The following RARB variants were observed in gnomAD, a reference collection of about 807,000 sequenced individuals.
RARB encodes the protein HBV-activated protein.
Under a neutral mutation model 51.9 loss-of-function variants are expected in RARB, and 17 were observed. That is an observed-to-expected ratio of 0.33 (90% CI 0.22 to 0.49). The LOEUF is 0.49. Ranked by LOEUF, RARB falls within the 20% of genes least tolerant of loss-of-function variation. RARB has a pLI of 0.99. For missense variants in RARB, 369 were observed against 550.8 expected, an observed-to-expected ratio of 0.67 and a Z score of 3.30; for synonymous variants, 215 against 195.4, an observed-to-expected ratio of 1.10 and a Z score of -0.84.
At chr3:24,873,830 T>C (rs1702992996) in intron 2 of RARB, among the ~76,000 whole-genome samples, 1 of 152,090 alleles carries the variant, frequency 6.6e-6, no homozygotes, top group African/African-American at 2.4e-5. Context: ...AAGGGGTCTT[T>C]TTACATTTCT....
chr3:24,998,073 G>A (rs755710785), intron 2 of RARB, among the ~76,000 whole-genome samples: 23 of 152,010 alleles, frequency 1.5e-4, no homozygotes, highest in Non-Finnish European at 4.4e-5. Context: ...ACTGTTTACT[G>A]CTAGATGTTT....
At chr3:24,951,567 A>G (rs914993130) in intron 2 of RARB, among the ~76,000 whole-genome samples, 1 of 152,188 alleles carries the variant, frequency 6.6e-6, no homozygotes. Flanking sequence ...ATGACATATA[A>G]GATCAATAAT....
intron 5 of RARB, among the ~76,000 whole-genome samples, chr3:25,323,935 C>T (rs533053535): frequency 6.6e-6 from 1 of 152,074 alleles, no homozygotes; most frequent in Non-Finnish European, 1.5e-5. Flanking sequence ...AATAGGCAAT[C>T]AAGGATCACC....
At chr3:25,317,315 G>T (rs1017576054) in intron 5 of RARB, among the ~76,000 whole-genome samples, 2 of 152,030 alleles carry the variant, frequency 1.3e-5, no homozygotes, top group Admixed American at 6.6e-5. Flanking sequence ...GGAAGGAAGC[G>T]AAGGTAGGTT....
chr3:24,850,627 T>C (rs1291959099), intron 1 of RARB, among the ~76,000 whole-genome samples: 1 of 146,536 alleles, frequency 6.8e-6, no homozygotes, highest in Non-Finnish European at 1.5e-5. Flanking sequence ...GCTTTCTGAA[T>C]GATAAATGTT....
chr3:25,561,003 A>C (rs1347288973), intron 3 of RARB, among the ~76,000 whole-genome samples: 1 of 152,188 alleles, frequency 6.6e-6, no homozygotes, highest in Non-Finnish European at 1.5e-5. Flanking sequence ...TCCTGTGTGC[A>C]ATGAACAAAA....
intron 1 of RARB, among the ~76,000 whole-genome samples, chr3:25,447,632 C>A (rs771445711): frequency 1.3e-5 from 2 of 152,088 alleles, no homozygotes; most frequent in Non-Finnish European, 2.9e-5. Context: ...AATGAGAGAT[C>A]GCTGTGGTAA....
intron 2 of RARB, among the ~76,000 whole-genome samples, chr3:24,952,875 A>ATTT (rs150342797): frequency 2.0e-5 from 3 of 149,392 alleles, no homozygotes; most frequent in Non-Finnish European, 3.0e-5. Context: ...TAAAACTGGT[A>ATTT]TTTTTTTTGT....
chr3:25,461,672 T>C (rs1169680783), intron 2 of RARB, among the ~76,000 whole-genome samples: 1 of 152,072 alleles, frequency 6.6e-6, no homozygotes, highest in Non-Finnish European at 1.5e-5. Flanking sequence ...AGGTGCGCAA[T>C]CACTTGAGGT....
At chr3:24,975,233 AT>A (rs902833017) in intron 2 of RARB, among the ~76,000 whole-genome samples, 1 of 152,150 alleles carries the variant, frequency 6.6e-6, no homozygotes, top group Non-Finnish European at 1.5e-5. Flanking sequence ...GATAATTCTA[AT>A]TCTATCTCCC....
At chr3:25,288,037 G>T (rs1185276078) in intron 5 of RARB, among the ~76,000 whole-genome samples, 1 of 151,988 alleles carries the variant, frequency 6.6e-6, no homozygotes, top group Non-Finnish European at 1.5e-5. Context: ...ATATTTAATA[G>T]AAATTAAATA....
At chr3:25,570,965 G>A (rs1237104760) in intron 4 of RARB, among the ~76,000 whole-genome samples, 2 of 151,970 alleles carry the variant, frequency 1.3e-5, no homozygotes, top group African/African-American at 2.4e-5. Context: ...AACAGTGAGC[G>A]GCGGGGCTTT....
At chr3:25,217,585 A>G (rs1369412622) in intron 5 of RARB, among the ~76,000 whole-genome samples, 1 of 152,110 alleles carries the variant, frequency 6.6e-6, no homozygotes. Flanking sequence ...AGTCACTGCC[A>G]GGAGACCTGG....
At chr3:25,454,481 T>C (rs1031962617) in intron 1 of RARB, among the ~76,000 whole-genome samples, 1 of 152,214 alleles carries the variant, frequency 6.6e-6, no homozygotes, top group East Asian at 1.9e-4. Flanking sequence ...ATGCAGGAAA[T>C]GTCTTTTGCT....
At chr3:25,487,833 G>T (rs906255901) in intron 2 of RARB, among the ~76,000 whole-genome samples, 2 of 152,176 alleles carry the variant, frequency 1.3e-5, no homozygotes, top group African/African-American at 2.4e-5. Context: ...GTCATGCTCT[G>T]TTCTAATGTG....
chr3:25,209,351 A>G (rs1423149825), intron 5 of RARB, among the ~76,000 whole-genome samples: 13 of 152,234 alleles, frequency 8.5e-5, no homozygotes, highest in Admixed American at 8.5e-4. Flanking sequence ...CAGTCATCCC[A>G]TAGGTGGGTG....
intron 2 of RARB, among the ~76,000 whole-genome samples, chr3:24,889,498 C>T (rs938265673): frequency 7.9e-5 from 12 of 152,074 alleles, no homozygotes; most frequent in African/African-American, 2.9e-4. Flanking sequence ...ATTTTATTTC[C>T]AAAGAAATTT....
intron 4 of RARB, among the ~76,000 whole-genome samples, chr3:25,576,474 C>T (rs1700937269): frequency 6.6e-6 from 1 of 152,160 alleles, no homozygotes; most frequent in African/African-American, 2.4e-5. Flanking sequence ...CCCACCCCTG[C>T]ACTCGACCAA....
intron 2 of RARB, among the ~76,000 whole-genome samples, chr3:24,963,527 T>C (rs1243251716): frequency 6.6e-6 from 1 of 151,094 alleles, no homozygotes; most frequent in Non-Finnish European, 1.5e-5. Context: ...TTATGGCTAT[T>C]ATTTGCTTAA....
Sources: allele counts gnomAD v4.1 joint callset (sites outside exome capture counted in the v4.1 genomes callset), GRCh38; gene constraint gnomAD v4.1.1; transcripts MANE v1.5; gene names NCBI Gene and HGNC (gene_info 2026-07-23, HGNC 2026-07-21).